PCDH9: variants seen among roughly 807,000 people sequenced by gnomAD.
PCDH9 encodes the protein protocadherin-9.
Under a neutral mutation model 70.6 loss-of-function variants are expected in PCDH9, and 24 were observed. That is an observed-to-expected ratio of 0.34 (90% confidence interval 0.25 to 0.48). PCDH9 has a LOEUF of 0.48. Ranked by LOEUF, PCDH9 falls within the 20% of genes least tolerant of loss-of-function variation. The pLI is 0.99. For missense variants in PCDH9, 1,281 were observed against 1,503.6 expected (o/e 0.85, Z 2.45); for synonymous variants, 562 against 558.5 (o/e 1.01, Z -0.09).
intron 2 of PCDH9, among the ~76,000 whole-genome samples, chr13:67,157,477 G>A (rs558772418): frequency 5.3e-5 from 8 of 152,190 alleles, no homozygotes; most frequent in Admixed American, 5.2e-4. Context: ...TTACCCAGAA[G>A]CTTAAAAACA....
intron 2 of PCDH9, among the ~76,000 whole-genome samples, chr13:66,923,246 T>C (rs1176803495): frequency 6.6e-6 from 1 of 151,542 alleles, no homozygotes; most frequent in Admixed American, 6.6e-5. Context: ...ACATAAACAG[T>C]TTTATAATTG....
At chr13:67,030,210 A>T (rs1033700863) in intron 2 of PCDH9, among the ~76,000 whole-genome samples, 4 of 152,166 alleles carry the variant, frequency 2.6e-5, no homozygotes, top group Non-Finnish European at 4.4e-5. Context: ...TAAACCAATA[A>T]TGAATTATTT....
At chr13:66,712,761 AG>A (rs1196252818) in intron 3 of PCDH9, among the ~76,000 whole-genome samples, 3 of 152,162 alleles carry the variant, frequency 2.0e-5, no homozygotes, top group Non-Finnish European at 4.4e-5. Flanking sequence ...TATATTTTCT[AG>A]TACATTATAA....
chr13:66,742,896 G>C (rs1259664454), intron 3 of PCDH9, among the ~76,000 whole-genome samples: 6 of 134,278 alleles, frequency 4.5e-5, no homozygotes, highest in African/African-American at 1.3e-4. Context: ...ACTGTTGGTG[G>C]GACTGTAAAC....
chr13:66,513,541 G>C (rs149007855), intron 4 of PCDH9, among the ~76,000 whole-genome samples: 1 of 152,024 alleles, frequency 6.6e-6, no homozygotes, highest in African/African-American at 2.4e-5. Flanking sequence ...AACACAGTCA[G>C]CACCAAGTCC....
chr13:66,520,118 G>A (rs144438635), intron 4 of PCDH9, among the ~76,000 whole-genome samples: 15 of 151,820 alleles, frequency 9.9e-5, no homozygotes, highest in African/African-American at 3.6e-4. Flanking sequence ...GGCTCTCTGT[G>A]GCTTAAATGC....
chr13:66,893,227 A>G (rs1566272056), intron 3 of PCDH9, among the ~76,000 whole-genome samples: 1 of 152,156 alleles, frequency 6.6e-6, no homozygotes. Flanking sequence ...AGTCCGGACA[A>G]ATAATCCATG....
At chr13:66,915,509 A>C (rs1249692370) in intron 2 of PCDH9, among the ~76,000 whole-genome samples, 1 of 151,748 alleles carries the variant, frequency 6.6e-6, no homozygotes, top group African/African-American at 2.4e-5. Context: ...TGAGACCATG[A>C]ACACAACACT....
chr13:66,918,478 A>G (rs1163854522), intron 2 of PCDH9, among the ~76,000 whole-genome samples: 1 of 151,242 alleles, frequency 6.6e-6, no homozygotes, highest in Non-Finnish European at 1.5e-5. Context: ...GCACTTTATT[A>G]TTGTTTTTGA....
intron 2 of PCDH9, among the ~76,000 whole-genome samples, chr13:66,968,599 A>G (rs1270663383): frequency 6.6e-6 from 1 of 152,016 alleles, no homozygotes; most frequent in Non-Finnish European, 1.5e-5. Flanking sequence ...GATTTTCTAA[A>G]CTTTGATTCT....
intron 3 of PCDH9, among the ~76,000 whole-genome samples, chr13:66,902,082 T>C (rs934489637): frequency 1.3e-5 from 2 of 151,596 alleles, no homozygotes; most frequent in African/African-American, 4.8e-5. Context: ...ATGGGAACAA[T>C]TGTATTATCT....
chr13:67,150,265 G>A (rs559273633), intron 2 of PCDH9, among the ~76,000 whole-genome samples: 5 of 152,164 alleles, frequency 3.3e-5, no homozygotes, highest in African/African-American at 7.2e-5. Flanking sequence ...TCGAACTCCC[G>A]ACCTCAAGTG....
intron 3 of PCDH9, among the ~76,000 whole-genome samples, chr13:66,689,497 T>G (rs985924937): frequency 6.6e-6 from 1 of 152,174 alleles, no homozygotes; most frequent in African/African-American, 2.4e-5. Flanking sequence ...TCAATTTTTT[T>G]CAGGAAAAAA....
At chr13:66,812,007 G>A (rs898294484) in intron 3 of PCDH9, among the ~76,000 whole-genome samples, 7 of 152,036 alleles carry the variant, frequency 4.6e-5, no homozygotes, top group African/African-American at 1.7e-4. Flanking sequence ...GTGAGATTTT[G>A]CTGCACCCAC....
intron 2 of PCDH9, among the ~76,000 whole-genome samples, chr13:67,149,297 G>A (rs1240464016): frequency 6.6e-6 from 1 of 152,136 alleles, no homozygotes; most frequent in Admixed American, 6.5e-5. Context: ...GCCTGAGCTG[G>A]AATTCTGCTT....
chr13:66,724,586 C>A (rs1168426829), intron 3 of PCDH9, among the ~76,000 whole-genome samples: 2 of 152,162 alleles, frequency 1.3e-5, no homozygotes, highest in Admixed American at 6.5e-5. Flanking sequence ...AAACCACAAT[C>A]TCTGCAGCCA....
intron 4 of PCDH9, among the ~76,000 whole-genome samples, chr13:66,489,173 A>G (rs1428131257): frequency 6.6e-6 from 1 of 152,174 alleles, no homozygotes; most frequent in Non-Finnish European, 1.5e-5. Context: ...GGAATTAGCC[A>G]TTATGTTTCT....
chr13:66,435,065 A>T (rs1264911084), intron 4 of PCDH9, among the ~76,000 whole-genome samples: 2 of 152,144 alleles, frequency 1.3e-5, no homozygotes, highest in Non-Finnish European at 2.9e-5. Flanking sequence ...GAAATCCTAA[A>T]GGTGCAAAGG....
chr13:67,154,605 T>TACACACACAC (rs765270091), intron 2 of PCDH9, among the ~76,000 whole-genome samples: 14 of 93,290 alleles, frequency 1.5e-4, no homozygotes, highest in African/African-American at 6.4e-4. Context: ...AATATATATA[T>TACACACACAC]ACACACACAC....
Sources: allele counts gnomAD v4.1 joint callset (sites outside exome capture counted in the v4.1 genomes callset), GRCh38; gene constraint gnomAD v4.1.1; transcripts MANE v1.5; gene names NCBI Gene and HGNC (gene_info 2026-07-23, HGNC 2026-07-21).